PDGFRB: variants seen among roughly 807,000 people sequenced by gnomAD.
PDGFRB encodes the protein platelet-derived growth factor receptor beta.
PDGFRB carries 42 observed loss-of-function variants against 120.2 expected under a neutral mutation model. The observed-to-expected ratio is 0.35, with a 90% confidence interval of 0.27 to 0.45. PDGFRB has a LOEUF of 0.45. Among genes scored for constraint, PDGFRB ranks in the 20% least tolerant of loss-of-function variants. The pLI is 1.00. For missense variants in PDGFRB, 1,149 were observed against 1,476.3 expected, an observed-to-expected ratio of 0.78 and a Z score of 3.63; for synonymous variants, 586 against 606.8, an observed-to-expected ratio of 0.97 and a Z score of 0.50.
At position 150,132,872 on chromosome 5, in the gene PDGFRB, T is replaced by C. The variant is rs371830924; in HGVS notation, c.1005A>G (p.Thr335=). ...LQFAELHRSR[T]LQVVFEAYPP... is the part of the protein sequence containing the mutation. ...GGTAGGCCTCGAACACTACCTGCAGTGTCCGGCTCCGATGCAGCTCAGCAA... is the reference window on the plus strand; with the variant it reads ...GGTAGGCCTCGAACACTACCTGCAGCGTCCGGCTCCGATGCAGCTCAGCAA... The change falls in exon 7 of 23, where the codon ACA becomes ACG. Residue 335 remains threonine, a synonymous_variant. Coordinates refer to ENST00000261799, the MANE Select transcript of PDGFRB (RefSeq NM_002609.4). The surrounding 1 kb of genome is among the most constrained non-coding windows in gnomAD (Gnocchi z 5.0). 1.2e-6 allele frequency: 2 copies of C among 1,602,376 alleles called. No individual in the cohort carries two copies. The highest frequency in any genetic ancestry group is 2.7e-5 in the African/African-American group (2 of 74,762).
At chr5:150,141,511 T>C (rs1760783035) in intron 1 of PDGFRB, among the ~76,000 whole-genome samples, 1 of 151,960 alleles carries the variant, frequency 6.6e-6, no homozygotes, top group Non-Finnish European at 1.5e-5. Context: ...CCAGAAGGGG[T>C]AGAGCAGAGA....
chr5:150,145,794 G>A (rs1165312876), intron 1 of PDGFRB, among the ~76,000 whole-genome samples: 2 of 152,104 alleles, frequency 1.3e-5, no homozygotes, highest in South Asian at 2.1e-4. Flanking sequence ...CCAGCTTCTC[G>A]GGAGGCTGAG....
At chr5:150,133,787 C>T in intron 5 of PDGFRB, 27 bp from the exon 6 acceptor site, 1 of 1,612,672 alleles carries the variant, frequency 6.2e-7, no homozygotes, top group Non-Finnish European at 8.5e-7. Context: ...GGCAGGCCCC[C>T]CAAATCAGGA....
chr5:150,135,755 G>C lies in PDGFRB; in HGVS notation c.164C>G (p.Ser55Trp). The change falls in exon 3 of 23, where the codon TCG becomes TGG. Residue 55 changes from serine (S) to tryptophan (W), a missense_variant. Ser to Trp is a radical substitution (Grantham distance 177, BLOSUM62 -3). This residue lies in a region of PDGFRB where 879 missense variants were observed against 1,108.6 expected (regional missense o/e 0.79). Coordinates refer to ENST00000261799, the MANE Select transcript of PDGFRB (RefSeq NM_002609.4). ...TTCCCACACCACCGGAGCTGAACCC[G>C]AGCAGGTCAGAACGAAGGTGCTGGA... The part of the protein sequence containing the change: ...NVSSTFVLTC[S>W]GSAPVVWERM... The C allele has an allele frequency of 6.2e-7, 1 of 1,613,920 alleles. No individual in the cohort carries two copies. The highest frequency in any genetic ancestry group is 8.5e-7 in the Non-Finnish European group (1 of 1,179,888).
intron 1 of PDGFRB, among the ~76,000 whole-genome samples, chr5:150,138,886 T>G (rs958989058): frequency 6.6e-6 from 1 of 152,148 alleles, no homozygotes; most frequent in Non-Finnish European, 1.5e-5. Context: ...CTGCCCCTCC[T>G]CTCCCAGTCT....
intron 12 of PDGFRB, 50 bp from the exon 13 acceptor site, chr5:150,124,881 G>T (rs769938079): frequency 7.0e-6 from 6 of 854,088 alleles, no homozygotes; most frequent in Non-Finnish European, 1.1e-5. Flanking sequence ...AAGCTGCACC[G>T]CTCCCCCAGC....
At chr5:150,147,372 G>C (rs575942384) in intron 1 of PDGFRB, among the ~76,000 whole-genome samples, 1 of 152,354 alleles carries the variant, frequency 6.6e-6, no homozygotes, top group South Asian at 2.1e-4. Context: ...CTGAGGAGGG[G>C]GGTGCGGCAG....
intron 3 of PDGFRB, 134 bp from the exon 4 acceptor site, chr5:150,135,150 G>T: frequency 1.6e-6 from 1 of 606,930 alleles, no homozygotes; most frequent in East Asian, 2.8e-5. Flanking sequence ...TCCCAGAAGA[G>T]CATAAATCAA....
rs763614831 is a variant in PDGFRB at position 150,131,960 on chromosome 5, C to T, written c.1243+19G>A. ...GGGAGGGGAAGGAGCAGGGACATGG[C>T]GAGGGGCGTGCTCATCACCATTGAT... On this transcript the variant is annotated intron_variant, in intron 8 of 22. Coordinates refer to ENST00000261799, the MANE Select transcript of PDGFRB (RefSeq NM_002609.4). 60 of 1,259,020 alleles carry T rather than the reference C, an allele frequency of 4.8e-5. No homozygotes were observed. The South Asian group carries it at 5.3e-4, about 11-fold the overall frequency. 78.0% of individuals were successfully genotyped at this position (1,259,020 alleles called of 1,614,324 possible).
chr5:150,136,325 T>C (rs740751), intron 2 of PDGFRB, among the ~76,000 whole-genome samples: 109,402 of 152,096 alleles, frequency 0.72, 39,952 homozygotes, highest in East Asian at 0.86. Context: ...GGGAGGGGCT[T>C]AGGTAGCTCA....
chr5:150,130,806 T>G, intron 8 of PDGFRB, 144 bp from the exon 9 acceptor site: 1 of 725,956 alleles, frequency 1.4e-6, no homozygotes, highest in African/African-American at 1.8e-5. Flanking sequence ...CAGGAATCAG[T>G]GTGAAAACCG....
chr5:150,150,436 C>T (rs17708682), intron 1 of PDGFRB, among the ~76,000 whole-genome samples: 23,253 of 152,170 alleles, frequency 0.15, 2,244 homozygotes, highest in Middle Eastern at 0.28. Context: ...CATCACAGGG[C>T]GGAGAAGCTG....
At chr5:150,138,991 G>C (rs1405673740) in intron 1 of PDGFRB, among the ~76,000 whole-genome samples, 1 of 152,224 alleles carries the variant, frequency 6.6e-6, no homozygotes, top group East Asian at 1.9e-4. Context: ...GCCTGGCTCT[G>C]GAAGGCTGGG....
At chr5:150,128,974 C>T (rs571532625) in intron 10 of PDGFRB, among the ~76,000 whole-genome samples, 1 of 152,062 alleles carries the variant, frequency 6.6e-6, no homozygotes, top group Non-Finnish European at 1.5e-5. Context: ...TGCATAAGGA[C>T]GGGCAGCTAG....
Position 150,117,626 on chromosome 5 carries a change from G to T in PDGFRB, c.3129C>A (p.Ser1043Arg). ...ADEGPLEGSP[S>R]LASSTLNEVN... ...CAGGCCAGGGTGGTTACCTGGCTAG[G>T]CTGGGGGAACCCTCCAGTGGGCCCT... Residue 1043 changes from serine (S) to arginine (R), a missense_variant, in exon 22 of 23, where the codon AGC becomes AGA. Ser to Arg is a moderately radical substitution (Grantham distance 110). Around this residue, in one of 3 missense-constraint regions of PDGFRB, gnomAD observed 202 missense variants for 214.3 expected, o/e 0.94. Transcript: ENST00000261799. 1.2e-6 allele frequency: 2 copies of T among 1,602,050 alleles called. No individual in the cohort carries two copies. The highest frequency in any genetic ancestry group is 8.6e-7 in the Non-Finnish European group (1 of 1,169,444).
At chr5:150,131,682 C>G (rs762876437) in intron 8 of PDGFRB, among the ~76,000 whole-genome samples, 1 of 152,118 alleles carries the variant, frequency 6.6e-6, no homozygotes, top group Non-Finnish European at 1.5e-5. Context: ...AAATACCTAT[C>G]GAGTTAATAG....
At chr5:150,146,632 C>T (rs1214863096) in intron 1 of PDGFRB, among the ~76,000 whole-genome samples, 2 of 152,200 alleles carry the variant, frequency 1.3e-5, no homozygotes, top group African/African-American at 4.8e-5. Flanking sequence ...GCTCACAGCT[C>T]ACTATAGCCT....
chr5:150,128,529 C>T (rs961541930), intron 10 of PDGFRB, among the ~76,000 whole-genome samples: 2 of 152,224 alleles, frequency 1.3e-5, no homozygotes, highest in East Asian at 1.9e-4. Context: ...ATCTGCCACC[C>T]TTCCAGCCCC....
intron 13 of PDGFRB, 38 bp downstream of exon 13, chr5:150,124,689 T>G (rs2113895752): frequency 2.0e-6 from 2 of 985,314 alleles, no homozygotes. Flanking sequence ...CAGGGAGAGG[T>G]GAAGGCCCAG....
Sources: gnomAD v4.1 joint callset for allele counts (sites outside exome capture counted in the v4.1 genomes callset) on GRCh38, gnomAD v4.1.1 for gene constraint, gnomAD v4.1.1 regional missense constraint, Gnocchi (gnomAD v3.1) non-coding constraint, MANE v1.5 for transcripts, NCBI Gene and HGNC (gene_info 2026-07-23, HGNC 2026-07-21) for gene names.